The following SAMMSON variants were observed in gnomAD, a reference collection of about 807,000 sequenced individuals.
SAMMSON encodes the protein survival associated mitochondrial melanoma specific oncogenic non-coding RNA, also known as long intergenic non-protein coding RNA 1212.
At chr3:70,267,625 C>T (rs185074379) in intron 6 of SAMMSON, among the ~76,000 whole-genome samples, 6 of 144,084 alleles carry the variant, frequency 4.2e-5, no homozygotes, top group Non-Finnish European at 6.0e-5. Context: ...ACCCTGTTAG[C>T]CAGAATGGTC....
At position 70,307,563 on chromosome 3, in the gene SAMMSON, C is replaced by T. The variant is rs191422531; in HGVS notation, n.739+16320C>T. ...CTCCATAAAGTTTTCACATTTGGGC[C>T]TATTTTCTCCTTCTCTTTGATATGG... On this transcript the variant is annotated intron_variant and non_coding_transcript_variant, in intron 7 of 9. Transcript: ENST00000642114. Among the ~76,000 whole-genome samples the T allele has an allele frequency of 3.3e-5, 5 of 152,092 alleles. No individual in the cohort carries two copies. The East Asian group carries it at 9.7e-4, about 29-fold the overall frequency.
intron 4 of SAMMSON, among the ~76,000 whole-genome samples, chr3:70,237,977 A>ATTTTTTTTTTTTTTTTTTT (rs1251005797): frequency 7.7e-5 from 1 of 13,006 alleles, no homozygotes; most frequent in African/African-American, 4.9e-4. Flanking sequence ...ATTGAGTGGT[A>ATTTTTTTTTTTTTTTTTTT]TCTTTTTTTT....
intron 4 of SAMMSON, among the ~76,000 whole-genome samples, chr3:70,121,897 A>G (rs994142366): frequency 6.6e-6 from 1 of 152,062 alleles, no homozygotes; most frequent in Non-Finnish European, 1.5e-5. Flanking sequence ...CCCCTGCACA[A>G]TGTTGTTGTG....
chr3:70,117,353 C>T (rs1010020013), intron 4 of SAMMSON, among the ~76,000 whole-genome samples: 1 of 152,122 alleles, frequency 6.6e-6, no homozygotes, highest in Non-Finnish European at 1.5e-5. Flanking sequence ...ATGTGATCTT[C>T]CCAAATTTGA....
At chr3:70,320,807 G>A (rs1181886842) in intron 7 of SAMMSON, among the ~76,000 whole-genome samples, 2 of 152,034 alleles carry the variant, frequency 1.3e-5, no homozygotes, top group African/African-American at 2.4e-5. Flanking sequence ...TAACTGTAGG[G>A]TCTAAGTCAG....
intron 7 of SAMMSON, among the ~76,000 whole-genome samples, chr3:70,345,675 C>A (rs1702744497): frequency 6.6e-6 from 1 of 152,146 alleles, no homozygotes; most frequent in Admixed American, 6.5e-5. Context: ...CCTCGGCAAC[C>A]ATTAATCGGT....
At chr3:70,311,409 G>A (rs113366031) in intron 7 of SAMMSON, among the ~76,000 whole-genome samples, 21 of 152,148 alleles carry the variant, frequency 1.4e-4, no homozygotes, top group African/African-American at 3.6e-4. Context: ...TTACGCATGC[G>A]GAGCCCATGG....
At chr3:70,216,483 A>G (rs1701413474) in intron 4 of SAMMSON, among the ~76,000 whole-genome samples, 1 of 152,026 alleles carries the variant, frequency 6.6e-6, no homozygotes, top group Non-Finnish European at 1.5e-5. Context: ...CGGGGATATC[A>G]AATAACTTAC....
At chr3:70,176,086 T>C (rs996278650) in intron 4 of SAMMSON, among the ~76,000 whole-genome samples, 3 of 152,106 alleles carry the variant, frequency 2.0e-5, no homozygotes, top group Non-Finnish European at 4.4e-5. Context: ...TTCACTAAAT[T>C]CACCAAGACA....
intron 4 of SAMMSON, among the ~76,000 whole-genome samples, chr3:70,221,513 C>T (rs916560139): frequency 6.6e-6 from 1 of 151,984 alleles, no homozygotes; most frequent in Non-Finnish European, 1.5e-5. Flanking sequence ...GCAGGAGATA[C>T]AAAGATGAAT....
intron 6 of SAMMSON, among the ~76,000 whole-genome samples, chr3:70,261,955 C>T (rs1701870908): frequency 6.6e-6 from 1 of 152,150 alleles, no homozygotes; most frequent in African/African-American, 2.4e-5. Flanking sequence ...GAACTCTGCC[C>T]TGCCAGCACT....
chr3:70,187,585 A>C (rs930828857), intron 4 of SAMMSON, among the ~76,000 whole-genome samples: 2 of 151,156 alleles, frequency 1.3e-5, no homozygotes, highest in Admixed American at 6.6e-5. Flanking sequence ...CTACAGGCAC[A>C]CGCCACCATG....
chr3:70,241,811 A>G (rs1004167280), intron 4 of SAMMSON, among the ~76,000 whole-genome samples: 1 of 152,216 alleles, frequency 6.6e-6, no homozygotes, highest in Non-Finnish European at 1.5e-5. Context: ...TATTTTACAA[A>G]TGGAGAAACT....
intron 4 of SAMMSON, among the ~76,000 whole-genome samples, chr3:70,144,794 C>T (rs1221996584): frequency 6.6e-6 from 1 of 152,132 alleles, no homozygotes; most frequent in East Asian, 1.9e-4. Flanking sequence ...TCTTTGCCTG[C>T]TGCCATCCAT....
intron 6 of SAMMSON, among the ~76,000 whole-genome samples, chr3:70,286,901 T>C (rs1702170963): frequency 6.6e-6 from 1 of 151,980 alleles, no homozygotes; most frequent in Non-Finnish European, 1.5e-5. Flanking sequence ...TTTTGTACAT[T>C]GATTTTGTAT....
At chr3:70,168,486 A>C (rs1159581172) in intron 4 of SAMMSON, among the ~76,000 whole-genome samples, 1 of 152,026 alleles carries the variant, frequency 6.6e-6, no homozygotes, top group Non-Finnish European at 1.5e-5. Flanking sequence ...ATGCATTGGT[A>C]CTAATGCTAA....
chr3:70,111,070 G>A (rs943716754), intron 4 of SAMMSON, among the ~76,000 whole-genome samples: 11 of 152,048 alleles, frequency 7.2e-5, no homozygotes, highest in Admixed American at 6.6e-4. Context: ...ATGTCTCTTG[G>A]TCCATTGAAA....
At chr3:70,018,098 T>A (rs1192151586) in intron 3 of SAMMSON, among the ~76,000 whole-genome samples, 1 of 152,164 alleles carries the variant, frequency 6.6e-6, no homozygotes, top group Non-Finnish European at 1.5e-5. Context: ...GCTGGCCTCA[T>A]AAAATGAGTG....
At chr3:70,065,463 CTATTATTAGA>C (rs1317326817) in intron 3 of SAMMSON, 1 of 151,876 alleles carries the variant, frequency 6.6e-6, no homozygotes, top group Non-Finnish European at 1.5e-5. Flanking sequence ...GTCCATAAAA[CTATTATTAGA>C]TTGAGAGACT....
Sources: allele counts gnomAD v4.1 joint callset (sites outside exome capture counted in the v4.1 genomes callset), GRCh38; gene constraint gnomAD v4.1.1; transcripts MANE v1.5; gene names NCBI Gene and HGNC (gene_info 2026-07-23, HGNC 2026-07-21).